ARHGEF3: variants seen among roughly 807,000 people sequenced by gnomAD.
The protein encoded by ARHGEF3 is 59.8 kDA protein.
Under a neutral mutation model 63.2 loss-of-function variants are expected in ARHGEF3, and 28 were observed. The observed-to-expected ratio is 0.44, with a 90% CI of 0.33 to 0.61. The LOEUF is 0.61. Ranked by LOEUF, ARHGEF3 falls within the 20% of genes least tolerant of loss-of-function variation. ARHGEF3 has a pLI of 0.03. For synonymous variants in ARHGEF3, 266 were observed against 254.2 expected, an observed-to-expected ratio of 1.05 and a Z score of -0.44; for missense variants, 533 against 659.3, an observed-to-expected ratio of 0.81 and a Z score of 2.10.
chr3:56,974,586 T>G (rs1006847561), intron 2 of ARHGEF3, among the ~76,000 whole-genome samples: 13 of 152,196 alleles, frequency 8.5e-5, no homozygotes, highest in African/African-American at 3.1e-4. Flanking sequence ...GTTTTCCATA[T>G]TCAAAGTGCT....
intron 2 of ARHGEF3, among the ~76,000 whole-genome samples, chr3:56,758,043 T>C (rs908103405): frequency 1.3e-4 from 20 of 149,692 alleles, no homozygotes; most frequent in South Asian, 6.6e-4. Flanking sequence ...TTTGGGAGGC[T>C]GAGGCGGGCG....
At chr3:56,775,387 A>T in intron 1 of ARHGEF3, 1 of 1,055,904 alleles carries the variant, frequency 9.5e-7, no homozygotes, top group Non-Finnish European at 1.1e-6. Flanking sequence ...TTAAAAACTT[A>T]AAAAGAAAAT....
intron 2 of ARHGEF3, among the ~76,000 whole-genome samples, chr3:56,996,572 G>A (rs763955455): frequency 1.3e-5 from 2 of 152,158 alleles, no homozygotes; most frequent in Non-Finnish European, 2.9e-5. Context: ...GAGGAAATGG[G>A]CCCTCACAAG....
chr3:56,866,360 A>G (rs1001975814), intron 4 of ARHGEF3, among the ~76,000 whole-genome samples: 3 of 152,194 alleles, frequency 2.0e-5, no homozygotes, highest in Admixed American at 2.0e-4. Context: ...AGCTAAACAC[A>G]CAGGGTAAAA....
At chr3:56,874,475 C>T (rs1296239206) in intron 4 of ARHGEF3, among the ~76,000 whole-genome samples, 1 of 152,198 alleles carries the variant, frequency 6.6e-6, no homozygotes, top group Non-Finnish European at 1.5e-5. Context: ...CTGGACTCTG[C>T]TGAGCAGAGA....
At chr3:56,762,163 G>A (rs1310915323) in intron 2 of ARHGEF3, among the ~76,000 whole-genome samples, 1 of 152,076 alleles carries the variant, frequency 6.6e-6, no homozygotes, top group African/African-American at 2.4e-5. Context: ...GCCAGTCCAC[G>A]GTAACTAGAA....
chr3:56,879,022 T>C (rs2040683213), intron 4 of ARHGEF3, among the ~76,000 whole-genome samples: 1 of 152,258 alleles, frequency 6.6e-6, no homozygotes, highest in African/African-American at 2.4e-5. Flanking sequence ...TGTGAGATTC[T>C]AATGCCTGAT....
intron 3 of ARHGEF3, among the ~76,000 whole-genome samples, chr3:56,944,724 C>T (rs1184434875): frequency 2.0e-5 from 3 of 151,672 alleles, no homozygotes; most frequent in African/African-American, 7.3e-5. Context: ...CGACAGGCAC[C>T]TGCGCAACCA....
chr3:57,051,800 T>C (rs1176649044), intron 1 of ARHGEF3, among the ~76,000 whole-genome samples: 1 of 150,972 alleles, frequency 6.6e-6, no homozygotes, highest in Admixed American at 6.6e-5. Context: ...CCTGTCTCTA[T>C]TAAAAATAGA....
rs543734304 is a variant in ARHGEF3 at position 57,029,416 on chromosome 3, C to A, written c.62+5672G>T. ...TACACTCCAGCTTGGACAACAAGAG[C>A]GAAACTCCGTCTCAAAAAAAAAAAA... On this transcript the variant is annotated intron_variant, in intron 2 of 12. Transcript: ENST00000338458. Among the ~76,000 whole-genome samples, 43 of 148,398 alleles carry A rather than the reference C, an allele frequency of 2.9e-4. No individual in the cohort carries two copies. The South Asian group carries it at 8.6e-3, about 30-fold the overall frequency.
chr3:56,913,172 CAA>C (rs1553778690), intron 3 of ARHGEF3, among the ~76,000 whole-genome samples: 8 of 44,276 alleles, frequency 1.8e-4, no homozygotes, highest in South Asian at 1.4e-3. Context: ...ACAACAACAA[CAA>C]AAAAAACTAT....
intron 2 of ARHGEF3, among the ~76,000 whole-genome samples, chr3:57,029,751 G>A (rs1013827268): frequency 2.0e-5 from 3 of 152,154 alleles, no homozygotes; most frequent in Non-Finnish European, 4.4e-5. Context: ...GAATGCTGAT[G>A]GGATCTCCAA....
intron 2 of ARHGEF3, among the ~76,000 whole-genome samples, chr3:56,973,050 T>C (rs1700983453): frequency 6.6e-6 from 1 of 150,880 alleles, no homozygotes; most frequent in East Asian, 2.0e-4. Flanking sequence ...GGAGTCTCGC[T>C]CTGTCGCCCA....
At chr3:56,762,489 G>A (rs561271665) in intron 2 of ARHGEF3, among the ~76,000 whole-genome samples, 6 of 152,248 alleles carry the variant, frequency 3.9e-5, no homozygotes, top group African/African-American at 9.6e-5. Flanking sequence ...GCCGGGGGTT[G>A]GGGGACGGGG....
chr3:56,729,680 A>C, intron 9 of ARHGEF3, 58 bp from the exon 10 acceptor site: 1 of 1,401,218 alleles, frequency 7.1e-7, no homozygotes, highest in South Asian at 1.3e-5. Flanking sequence ...CCTCAGGCCA[A>C]AGAGAACACA....
chr3:56,833,577 A>G (rs555233150), intron 4 of ARHGEF3, among the ~76,000 whole-genome samples: 2 of 152,184 alleles, frequency 1.3e-5, no homozygotes, highest in South Asian at 4.2e-4. Context: ...CCTACACCAC[A>G]TTTTATTTAT....
intron 2 of ARHGEF3, among the ~76,000 whole-genome samples, chr3:56,759,897 A>T (rs1040972283): frequency 2.0e-5 from 3 of 152,214 alleles, no homozygotes; most frequent in Non-Finnish European, 2.9e-5. Context: ...GTATATTCAC[A>T]AGGTTGTACA....
intron 1 of ARHGEF3, among the ~76,000 whole-genome samples, chr3:56,789,186 A>C (rs1297279633): frequency 6.6e-6 from 1 of 152,194 alleles, no homozygotes; most frequent in African/African-American, 2.4e-5. Flanking sequence ...AGGATGAGAC[A>C]CAAGTCCAAG....
intron 4 of ARHGEF3, among the ~76,000 whole-genome samples, chr3:56,812,794 A>C (rs1306325893): frequency 2.0e-5 from 3 of 152,230 alleles, no homozygotes; most frequent in Non-Finnish European, 4.4e-5. Context: ...AAGCCAAAGG[A>C]AGAAGGAAAC....
Sources: allele counts gnomAD v4.1 joint callset (sites outside exome capture counted in the v4.1 genomes callset), GRCh38; gene constraint gnomAD v4.1.1; transcripts MANE v1.5; gene names NCBI Gene and HGNC (gene_info 2026-07-23, HGNC 2026-07-21).